The following DUXA variants were observed in gnomAD, a reference collection of about 807,000 sequenced individuals.
DUXA encodes double homeobox protein A.
DUXA carries 25 observed loss-of-function variants against 27.5 expected under a neutral mutation model. The ratio of observed to expected loss-of-function variants is 0.91; its 90% CI spans 0.66 to 1.27. DUXA has a LOEUF of 1.27. DUXA is among the 50% of genes most tolerant of loss of function. The pLI, the probability that DUXA is intolerant of heterozygous loss-of-function variation, is 0.00. For missense variants in DUXA, 247 were observed against 242.9 expected (o/e 1.02, Z -0.11); for synonymous variants, 90 against 80.5 (o/e 1.12, Z -0.63).
intron 2 of DUXA, among the ~76,000 whole-genome samples, chr19:57,160,169 G>A (rs1015508609): frequency 4.6e-5 from 7 of 152,130 alleles, no homozygotes; most frequent in African/African-American, 1.7e-4. Flanking sequence ...GAAGCTGAGG[G>A]AGGGTTGCTT....
intron 1 of DUXA, among the ~76,000 whole-genome samples, chr19:57,162,158 G>A (rs2087027437): frequency 6.6e-6 from 1 of 152,110 alleles, no homozygotes; most frequent in African/African-American, 2.4e-5. Context: ...AAAGTGCTGA[G>A]ATTACAGATA....
chr19:57,156,143 T>C (rs2086992116), intron 4 of DUXA, among the ~76,000 whole-genome samples: 1 of 152,096 alleles, frequency 6.6e-6, no homozygotes, highest in Admixed American at 6.6e-5. Context: ...ACATTGCAGC[T>C]CTTCCTTCTG....
intron 2 of DUXA, among the ~76,000 whole-genome samples, chr19:57,159,563 C>T (rs1430090194): frequency 6.6e-6 from 1 of 151,958 alleles, no homozygotes; most frequent in African/African-American, 2.4e-5. Flanking sequence ...TAGGTGTGTG[C>T]CATCATGCCT....
intron 1 of DUXA, among the ~76,000 whole-genome samples, chr19:57,166,309 G>T (rs62131268): frequency 0.23 from 35,289 of 152,020 alleles, 4,241 homozygotes; most frequent in East Asian, 0.28. Context: ...ATTTATGTAT[G>T]TATGTATGTA....
Position 57,154,133 on chromosome 19 carries a change from C to T in DUXA, c.*279G>A, listed in dbSNP as rs2086978468. 1 of 342,494 alleles carries T rather than the reference C, an allele frequency of 2.9e-6. No homozygotes were observed. The highest frequency in any genetic ancestry group is 4.4e-5 in the Admixed American group (1 of 22,932). The allele number at this position is 342,494 out of a possible 1,614,324, so 21.2% of individuals were successfully genotyped here. On this transcript the variant is annotated 3_prime_UTR_variant, in exon 6 of 6. Transcript: ENST00000554048. ...TACCCCCTGTACCCGTCTCTGCCTC[C>T]TACAGTCCTTTTCATTTATTTTGTT...
rs1179839631 is a variant in DUXA at position 57,167,455 on chromosome 19, G to A, written c.-12C>T. ...GTGTCTTCGGCCATGCTGGAAGAGA[G>A]TCCTGAAGGCTGAGCCACTGTCTGG... On this transcript the variant is annotated 5_prime_UTR_variant, in exon 1 of 6. Transcript: ENST00000554048. 2.5e-6 allele frequency: 4 copies of A among 1,613,394 alleles called. No individual in the cohort carries two copies. In the South Asian group the frequency reaches 4.4e-5, roughly 18 times the overall value.
chr19:57,166,133 G>A (rs2087053466), intron 1 of DUXA, among the ~76,000 whole-genome samples: 1 of 151,964 alleles, frequency 6.6e-6, no homozygotes, highest in Non-Finnish European at 1.5e-5. Context: ...CTGGGACGCT[G>A]CCTGTCCTAT....
At chr19:57,158,940 A>C (rs1453366167) in intron 3 of DUXA, among the ~76,000 whole-genome samples, 1 of 152,068 alleles carries the variant, frequency 6.6e-6, no homozygotes, top group East Asian at 1.9e-4. Context: ...GCCAAGATCA[A>C]GCCACTGCAC....
chr19:57,165,739 A>G (rs1292121960), intron 1 of DUXA, among the ~76,000 whole-genome samples: 1 of 141,796 alleles, frequency 7.1e-6, no homozygotes, highest in Non-Finnish European at 1.5e-5. Context: ...CGGGAGGCAG[A>G]GCTTGCAGTG....
At chr19:57,154,541 T>G (rs2086981190) in intron 5 of DUXA, 59 bp from the exon 6 acceptor site, 2 of 1,361,512 alleles carry the variant, frequency 1.5e-6, no homozygotes, top group Non-Finnish European at 2.1e-6. Context: ...TTCACAAACA[T>G]GGACGTCAGC....
intron 1 of DUXA, among the ~76,000 whole-genome samples, chr19:57,161,313 A>G: frequency 8.9e-6 from 1 of 111,998 alleles, no homozygotes; most frequent in Non-Finnish European, 1.7e-5. Flanking sequence ...TAACAGAGTG[A>G]GACTCTATCT....
At chr19:57,164,604 T>A (rs930435435) in intron 1 of DUXA, among the ~76,000 whole-genome samples, 6 of 151,972 alleles carry the variant, frequency 3.9e-5, no homozygotes, top group South Asian at 2.1e-4. Flanking sequence ...ATAATTTTTT[T>A]AAAAAAGGCT....
rs370297842 is a variant in DUXA, at chr19:57,155,313, C to T, written c.498G>A (p.Ala166=). 2.9e-5 allele frequency: 47 copies of T among 1,614,080 alleles called. No individual in the cohort carries two copies. The highest frequency in any genetic ancestry group is 5.5e-5 in the South Asian group (5 of 91,094). The change falls in exon 5 of 6, where the codon GCG becomes GCA. Residue 166 remains alanine, a synonymous_variant. Transcript: ENST00000554048. ...TGCCCTGCTCTTCTTGTTCTAAGGA[C>T]GCCACAGGTTCCCTTTTTCTCTGGA... ...LLLQRKREPV[A]SLEQEEQGKI...
At chr19:57,156,495 G>A (rs1006519692) in intron 4 of DUXA, among the ~76,000 whole-genome samples, 2 of 152,018 alleles carry the variant, frequency 1.3e-5, no homozygotes, top group African/African-American at 4.8e-5. Context: ...TCAACCTCCT[G>A]GGCTCAAGTG....
intron 3 of DUXA, among the ~76,000 whole-genome samples, 187 bp downstream of exon 3, chr19:57,158,980 T>C (rs1055890917): frequency 5.9e-5 from 9 of 151,924 alleles, no homozygotes; most frequent in Admixed American, 4.6e-4. Context: ...TGAGACTCCA[T>C]CTCAATAAAT....
chr19:57,165,350 T>C (rs1007828730), intron 1 of DUXA, among the ~76,000 whole-genome samples: 1 of 145,932 alleles, frequency 6.9e-6, no homozygotes, highest in African/African-American at 2.5e-5. Context: ...TATATGTATA[T>C]ATATATATTC....
intron 1 of DUXA, among the ~76,000 whole-genome samples, chr19:57,164,066 C>T (rs1171685441): frequency 6.6e-6 from 1 of 151,930 alleles, no homozygotes; most frequent in Non-Finnish European, 1.5e-5. Context: ...TCTACAAGGC[C>T]AGTATTACTC....
intron 1 of DUXA, 115 bp downstream of exon 1, chr19:57,167,304 G>C (rs1186941203): frequency 7.5e-7 from 1 of 1,330,700 alleles, no homozygotes; most frequent in Admixed American, 1.9e-5. Flanking sequence ...CCCCTATCCA[G>C]ATACAGTTAA....
chr19:57,163,487 A>C, intron 1 of DUXA, among the ~76,000 whole-genome samples: 1 of 150,746 alleles, frequency 6.6e-6, no homozygotes, highest in Admixed American at 6.6e-5. Context: ...TCTGTTCCCC[A>C]GGCTAGAGTT....
Sources: allele counts gnomAD v4.1 joint callset (sites outside exome capture counted in the v4.1 genomes callset), GRCh38; gene constraint gnomAD v4.1.1; transcripts MANE v1.5; gene names NCBI Gene and HGNC (gene_info 2026-07-23, HGNC 2026-07-21).